The following UTRN variants were observed in gnomAD, a reference collection of about 807,000 sequenced individuals.
UTRN encodes the protein dystrophin-related protein 1.
UTRN carries 283 observed loss-of-function variants against 463.9 expected under a neutral mutation model. The observed-to-expected ratio is 0.61, with a 90% CI of 0.55 to 0.67. The LOEUF (loss-of-function observed/expected upper bound fraction) is 0.67, where lower values mean the gene tolerates loss of function less well. Ranked by LOEUF, UTRN falls within the 30% of genes least tolerant of loss-of-function variation. UTRN has a pLI of 0.00. For synonymous variants in UTRN, 1,442 were observed against 1,431.5 expected (o/e 1.01, Z -0.17); for missense variants, 3,922 against 4,084.3 (o/e 0.96, Z 1.08).
At chr6:144,759,963 A>AT (rs1019701335) in intron 58 of UTRN, among the ~76,000 whole-genome samples, 3 of 152,144 alleles carry the variant, frequency 2.0e-5, no homozygotes, top group Non-Finnish European at 4.4e-5. Context: ...TTATCATCTG[A>AT]TTTTTTTAAA....
chr6:144,671,831 C>T (rs1024018786), intron 51 of UTRN, among the ~76,000 whole-genome samples: 11 of 151,960 alleles, frequency 7.2e-5, no homozygotes, highest in Non-Finnish European at 1.2e-4. Context: ...AGGAATGTCT[C>T]GTCTATGCCA....
chr6:144,711,033 A>G (rs1785632489), intron 53 of UTRN, among the ~76,000 whole-genome samples: 1 of 152,166 alleles, frequency 6.6e-6, no homozygotes, highest in Admixed American at 6.5e-5. Context: ...AAATAAATGG[A>G]TAGGCTAGGC....
chr6:144,730,475 A>G lies in UTRN; in HGVS notation c.7928A>G (p.Gln2643Arg), dbSNP rs777536801. The change falls in exon 54 of 75, where the codon CAA becomes CGA. Residue 2643 changes from glutamine (Q) to arginine (R), a missense_variant. Transcript: ENST00000367545. Reference protein sequence around the residue: ...EAPEEPRRNLQSKTELTPEER... With the variant: ...EAPEEPRRNLRSKTELTPEER... ...CCTGAAGAGCCAAGAAGAAACCTACAATCAAAAACAGGTGAGACTGGTTTC... is the reference window on the plus strand; with the variant it reads ...CCTGAAGAGCCAAGAAGAAACCTACGATCAAAAACAGGTGAGACTGGTTTC... The G allele has an allele frequency of 3.1e-6, 5 of 1,607,798 alleles. No homozygotes were observed. In the African/African-American group the frequency reaches 5.4e-5, roughly 17 times the overall value.
chr6:144,405,275 A>G (rs917371481), intron 3 of UTRN, among the ~76,000 whole-genome samples: 5 of 152,232 alleles, frequency 3.3e-5, no homozygotes, highest in Admixed American at 6.5e-5. Context: ...AGCTCATGGC[A>G]GTGACACTAA....
intron 51 of UTRN, among the ~76,000 whole-genome samples, chr6:144,638,357 G>A (rs1029770616): frequency 6.6e-6 from 1 of 152,142 alleles, no homozygotes; most frequent in African/African-American, 2.4e-5. Flanking sequence ...AGAAAAAATA[G>A]TTCATGTTTT....
chr6:144,765,586 CT>C (rs1291060534), intron 58 of UTRN, among the ~76,000 whole-genome samples: 1 of 151,942 alleles, frequency 6.6e-6, no homozygotes, highest in Non-Finnish European at 1.5e-5. Flanking sequence ...GCTAATTGGA[CT>C]TTTTTTAGAG....
At chr6:144,584,763 A>G (rs1412796343) in intron 51 of UTRN, among the ~76,000 whole-genome samples, 1 of 152,102 alleles carries the variant, frequency 6.6e-6, no homozygotes, top group African/African-American at 2.4e-5. Context: ...TATTTGCATA[A>G]GAAGTTAATT....
At chr6:144,422,675 G>T (rs1321542194) in intron 4 of UTRN, among the ~76,000 whole-genome samples, 1 of 152,010 alleles carries the variant, frequency 6.6e-6, no homozygotes. Flanking sequence ...AGATTTTCAG[G>T]ATTATATTTT....
At chr6:144,786,929 A>G (rs1377854690) in intron 61 of UTRN, among the ~76,000 whole-genome samples, 2 of 152,184 alleles carry the variant, frequency 1.3e-5, no homozygotes, top group African/African-American at 2.4e-5. Context: ...TGGTCCCAAC[A>G]GTACACAGAG....
At chr6:144,412,314 G>A (rs542887178) in intron 3 of UTRN, among the ~76,000 whole-genome samples, 7 of 152,212 alleles carry the variant, frequency 4.6e-5, no homozygotes, top group African/African-American at 1.7e-4. Context: ...AAAAAGTGTA[G>A]CATTTTGTTG....
intron 51 of UTRN, among the ~76,000 whole-genome samples, chr6:144,663,684 G>A (rs531280110): frequency 2.0e-5 from 3 of 152,150 alleles, no homozygotes; most frequent in African/African-American, 7.2e-5. Flanking sequence ...TGTGAGTGCC[G>A]TTCTCTTAGT....
intron 71 of UTRN, among the ~76,000 whole-genome samples, chr6:144,838,474 C>A (rs1781287701): frequency 6.6e-6 from 1 of 152,154 alleles, no homozygotes; most frequent in East Asian, 1.9e-4. Flanking sequence ...CATCTGCATT[C>A]CCTATATGAT....
chr6:144,580,361 T>A (rs1585378857), intron 51 of UTRN, among the ~76,000 whole-genome samples: 1 of 152,214 alleles, frequency 6.6e-6, no homozygotes, highest in South Asian at 2.1e-4. Flanking sequence ...TATACTTGCT[T>A]CATGTCTTAT....
At chr6:144,701,517 A>G (rs1345902597) in intron 53 of UTRN, among the ~76,000 whole-genome samples, 2 of 152,164 alleles carry the variant, frequency 1.3e-5, no homozygotes, top group East Asian at 1.9e-4. Flanking sequence ...TAATCCTTAG[A>G]TCCTTGTGTG....
intron 39 of UTRN, among the ~76,000 whole-genome samples, chr6:144,518,646 C>T (rs1345567346): frequency 6.6e-6 from 1 of 152,108 alleles, no homozygotes; most frequent in African/African-American, 2.4e-5. Context: ...TCTTTCTTCC[C>T]TAATGCTTCT....
intron 53 of UTRN, among the ~76,000 whole-genome samples, chr6:144,720,357 A>G (rs1275635968): frequency 1.3e-5 from 2 of 152,210 alleles, no homozygotes; most frequent in African/African-American, 2.4e-5. Flanking sequence ...GAATCTCTGT[A>G]TAGACATTTA....
chr6:144,475,597 G>T (rs1015452263), intron 25 of UTRN, among the ~76,000 whole-genome samples: 3 of 152,124 alleles, frequency 2.0e-5, no homozygotes, highest in Admixed American at 2.0e-4. Context: ...GATCTTTTAA[G>T]GTCACTCTGG....
At position 144,482,718 on chromosome 6, in the gene UTRN, T is replaced by G. The variant is rs547950501; in HGVS notation, c.3687+330T>G. ...CATGTAACAGATGATCTGTAGGGCCTATTCCAGTCCAAAAATTGCAGAGCA... is the reference window on the plus strand; with the variant it reads ...CATGTAACAGATGATCTGTAGGGCCGATTCCAGTCCAAAAATTGCAGAGCA... On this transcript the variant is annotated intron_variant, in intron 27 of 74. Transcript: ENST00000367545. 2.0e-4 allele frequency among the ~76,000 whole-genome samples: 31 copies of G among 152,294 alleles called. 1 individual carries two copies. The highest frequency in any genetic ancestry group is 1.4e-3 in the Admixed American group (21 of 15,300).
chr6:144,539,577 AT>A, intron 45 of UTRN, 134 bp downstream of exon 45: 1 of 885,996 alleles, frequency 1.1e-6, no homozygotes, highest in Non-Finnish European at 1.6e-6. Flanking sequence ...TAATGTTTAT[AT>A]TTTTTATCTG....
Sources: gnomAD v4.1 joint callset for allele counts (sites outside exome capture counted in the v4.1 genomes callset) on GRCh38, gnomAD v4.1.1 for gene constraint, MANE v1.5 for transcripts, NCBI Gene and HGNC (gene_info 2026-07-23, HGNC 2026-07-21) for gene names.